Variants in OPCML observed in about 807,000 individuals in gnomAD.
OPCML encodes the protein opioid-binding protein/cell adhesion molecule.
Under a neutral mutation model 37.8 loss-of-function variants are expected in OPCML, and 13 were observed. That is an observed-to-expected ratio of 0.34 (90% CI 0.22 to 0.55). OPCML has a LOEUF of 0.55. OPCML is among the 20% of genes least tolerant of loss of function. The probability of loss-of-function intolerance (pLI) is 0.91; values close to 1 mark genes in which losing one functional copy is unlikely to be tolerated. For missense variants in OPCML, 341 were observed against 435.6 expected (o/e 0.78, Z 1.93); for synonymous variants, 176 against 168.8 (o/e 1.04, Z -0.33).
At chr11:132,979,435 G>C (rs76619333) in intron 1 of OPCML, among the ~76,000 whole-genome samples, 4,352 of 152,250 alleles carry the variant, frequency 0.029, 220 homozygotes, top group African/African-American at 0.1. Flanking sequence ...TCCTGCCTAT[G>C]GCATATGAAG....
chr11:132,811,557 C>A (rs1939342872), intron 2 of OPCML, among the ~76,000 whole-genome samples: 1 of 152,126 alleles, frequency 6.6e-6, no homozygotes. Context: ...CTCTTTCTTT[C>A]GGTTACGGTT....
chr11:132,420,741 A>T (rs2095955637), intron 7 of OPCML, among the ~76,000 whole-genome samples: 1 of 152,186 alleles, frequency 6.6e-6, no homozygotes, highest in Admixed American at 6.5e-5. Flanking sequence ...TGGAGACATA[A>T]GTCCAAGTGT....
Position 132,838,836 on chromosome 11 carries a change from C to G in OPCML, c.146+104090G>C, listed in dbSNP as rs372037496. On this transcript the variant is annotated intron_variant, in intron 2 of 7. Coordinates refer to ENST00000524381, the MANE Select transcript of OPCML (RefSeq NM_001012393.5). Reference sequence around the variant, plus strand: ...GAAGCAGCAAAGCTCCCTGGGAAGCCTGTCTCAGGAGATGACTCAGCACCA... The same window carrying G: ...GAAGCAGCAAAGCTCCCTGGGAAGCGTGTCTCAGGAGATGACTCAGCACCA... Among the ~76,000 whole-genome samples the G allele has an allele frequency of 2.6e-5, 4 of 152,110 alleles. No individual in the cohort carries two copies. The East Asian group carries it at 7.7e-4, about 29-fold the overall frequency.
chr11:133,067,286 G>C (rs1591969858), intron 1 of OPCML: 1 of 152,168 alleles, frequency 6.6e-6, no homozygotes, highest in Non-Finnish European at 1.5e-5. Context: ...TGAGTAAAGG[G>C]TGTGGCTTGG....
intron 1 of OPCML, among the ~76,000 whole-genome samples, chr11:132,973,183 T>A (rs542720966): frequency 6.6e-6 from 1 of 152,328 alleles, no homozygotes; most frequent in South Asian, 2.1e-4. Context: ...TGGCCTAGAT[T>A]TTAAGACAAA....
At chr11:133,031,685 A>G (rs1376750926) in intron 1 of OPCML, among the ~76,000 whole-genome samples, 2 of 152,088 alleles carry the variant, frequency 1.3e-5, no homozygotes, top group Admixed American at 6.6e-5. Context: ...AAAAGTGGCT[A>G]TAGGTTTCAC....
chr11:132,948,393 AT>A (rs1945791214), intron 1 of OPCML, among the ~76,000 whole-genome samples: 1 of 152,182 alleles, frequency 6.6e-6, no homozygotes, highest in South Asian at 2.1e-4. Context: ...TAAAGTTTGA[AT>A]ATTTCTGGCA....
chr11:133,334,519 G>A (rs967961409), intron 1 of OPCML, among the ~76,000 whole-genome samples: 3 of 152,058 alleles, frequency 2.0e-5, no homozygotes, highest in African/African-American at 7.2e-5. Flanking sequence ...AGGAAGGAGA[G>A]GAAAAGAAAA....
chr11:132,810,528 T>C (rs1353170235), intron 2 of OPCML, among the ~76,000 whole-genome samples: 12 of 151,994 alleles, frequency 7.9e-5, no homozygotes. Context: ...CCTTCTCTAC[T>C]AAAAATACAA....
At chr11:132,660,462 T>A (rs761023347) in intron 2 of OPCML, among the ~76,000 whole-genome samples, 4 of 152,190 alleles carry the variant, frequency 2.6e-5, no homozygotes, top group Non-Finnish European at 4.4e-5. Flanking sequence ...TAACATGGCA[T>A]CAAATTCATT....
intron 1 of OPCML, among the ~76,000 whole-genome samples, chr11:133,424,062 G>A (rs1481235083): frequency 6.6e-6 from 1 of 152,134 alleles, no homozygotes; most frequent in Non-Finnish European, 1.5e-5. Flanking sequence ...TTCCTTAATA[G>A]CAACACAAAT....
chr11:132,702,380 C>CAA (rs1943863181), intron 2 of OPCML, among the ~76,000 whole-genome samples: 1 of 152,190 alleles, frequency 6.6e-6, no homozygotes, highest in Non-Finnish European at 1.5e-5. Flanking sequence ...TCACCCCATT[C>CAA]TTTCCTGGCT....
intron 2 of OPCML, among the ~76,000 whole-genome samples, chr11:132,924,030 T>C (rs1266917560): frequency 6.6e-6 from 1 of 151,914 alleles, no homozygotes; most frequent in East Asian, 1.9e-4. Context: ...CCCAAAGTGC[T>C]GAGATTACAG....
chr11:133,226,341 T>C (rs1940034149), intron 1 of OPCML, among the ~76,000 whole-genome samples: 2 of 152,244 alleles, frequency 1.3e-5, no homozygotes, highest in African/African-American at 2.4e-5. Flanking sequence ...TTCGTATTTA[T>C]GGTTTTGGGG....
chr11:133,196,159 T>TA (rs1938529213), intron 1 of OPCML, among the ~76,000 whole-genome samples: 1 of 152,172 alleles, frequency 6.6e-6, no homozygotes, highest in South Asian at 2.1e-4. Context: ...CAAGGGGGCT[T>TA]AACTAATTCT....
chr11:133,043,446 C>G (rs1354226818), intron 1 of OPCML, among the ~76,000 whole-genome samples: 2 of 152,176 alleles, frequency 1.3e-5, no homozygotes, highest in East Asian at 1.9e-4. Context: ...AATTAACCAG[C>G]CTTCCCTTTC....
intron 1 of OPCML, among the ~76,000 whole-genome samples, chr11:133,185,182 C>T (rs895120652): frequency 3.3e-5 from 5 of 152,112 alleles, no homozygotes; most frequent in Admixed American, 2.6e-4. Flanking sequence ...CTGTATTAGC[C>T]CTAAAATACC....
intron 3 of OPCML, among the ~76,000 whole-genome samples, chr11:132,585,271 G>A (rs1376321895): frequency 4.6e-5 from 7 of 151,822 alleles, no homozygotes; most frequent in Non-Finnish European, 7.4e-5. Context: ...TTTGCAAGAT[G>A]GGAGCAAGGA....
chr11:132,816,414 A>C (rs1408536821), intron 2 of OPCML, among the ~76,000 whole-genome samples: 1 of 152,208 alleles, frequency 6.6e-6, no homozygotes, highest in East Asian at 1.9e-4. Context: ...ATTTACAGAC[A>C]CTGAAATTTA....
Sources: gnomAD v4.1 joint callset for allele counts (sites outside exome capture counted in the v4.1 genomes callset) on GRCh38, gnomAD v4.1.1 for gene constraint, MANE v1.5 for transcripts, NCBI Gene and HGNC (gene_info 2026-07-23, HGNC 2026-07-21) for gene names.